The following MRPL3 variants were observed in gnomAD, a reference collection of about 807,000 sequenced individuals.
The protein encoded by MRPL3 is mitochondrial ribosomal protein L3, also known as large ribosomal subunit protein uL3m.
Under a neutral mutation model 44.3 loss-of-function variants are expected in MRPL3, and 43 were observed. The ratio of observed to expected loss-of-function variants is 0.97; its 90% CI spans 0.76 to 1.25. The LOEUF is 1.25. MRPL3 is among the 50% of genes most tolerant of loss of function. The pLI is 0.00. For synonymous variants in MRPL3, 171 were observed against 152.3 expected (o/e 1.12, Z -0.91); for missense variants, 406 against 427.6 (o/e 0.95, Z 0.45).
intron 4 of MRPL3, among the ~76,000 whole-genome samples, chr3:131,491,409 T>C (rs903960415): frequency 1.3e-5 from 2 of 152,206 alleles, no homozygotes; most frequent in Non-Finnish European, 2.9e-5. Flanking sequence ...TCTGCACATT[T>C]CTAACTTCAA....
chr3:131,463,641 A>C (rs894431607), intron 9 of MRPL3, among the ~76,000 whole-genome samples: 1 of 152,190 alleles, frequency 6.6e-6, no homozygotes, highest in Non-Finnish European at 1.5e-5. Flanking sequence ...AATAATATTT[A>C]GCAAAAACAA....
In MRPL3 at chr3:131,464,134, C is replaced by T. The variant is rs144353536; in HGVS notation, c.895-1259G>A. On this transcript the variant is annotated intron_variant, in intron 9 of 9. Coordinates refer to ENST00000264995, the MANE Select transcript of MRPL3 (RefSeq NM_007208.4). ...AAAGTCATATTCTTACCAATTTAAACTTGCTCAGTATTTAGGATTGAAAAT... is the reference window on the plus strand; with the variant it reads ...AAAGTCATATTCTTACCAATTTAAATTTGCTCAGTATTTAGGATTGAAAAT... 1.1e-3 allele frequency among the ~76,000 whole-genome samples: 164 copies of T among 152,148 alleles called. 1 individual carries two copies. The highest frequency in any genetic ancestry group is 7.9e-4 in the Admixed American group (12 of 15,268).
intron 4 of MRPL3, among the ~76,000 whole-genome samples, chr3:131,492,957 G>A (rs1261111347): frequency 1.3e-5 from 2 of 152,154 alleles, no homozygotes; most frequent in Admixed American, 6.5e-5. Context: ...ACTCGATATA[G>A]ATTGCTATAG....
chr3:131,488,045 A>C (rs545677212), intron 5 of MRPL3, among the ~76,000 whole-genome samples: 1 of 152,338 alleles, frequency 6.6e-6, no homozygotes, highest in South Asian at 2.1e-4. Context: ...ATACTAAATT[A>C]AGATATGTTT....
chr3:131,501,835 T>C (rs756516128), intron 1 of MRPL3, 120 bp from the exon 2 acceptor site: 1 of 1,578,818 alleles, frequency 6.3e-7, no homozygotes, highest in East Asian at 2.3e-5. Flanking sequence ...GGGCTTGGAT[T>C]CTGTATACCT....
At chr3:131,500,947 T>C (rs1170661837) in intron 2 of MRPL3, among the ~76,000 whole-genome samples, 22 of 152,228 alleles carry the variant, frequency 1.4e-4, no homozygotes. Flanking sequence ...TGCTAAAATA[T>C]GTCAGTCTAC....
At chr3:131,472,191 A>G (rs931405076) in intron 6 of MRPL3, among the ~76,000 whole-genome samples, 1 of 152,210 alleles carries the variant, frequency 6.6e-6, no homozygotes, top group African/African-American at 2.4e-5. Context: ...AAATAGAAAA[A>G]AATAATGCTC....
chr3:131,487,721 A>G lies in MRPL3; in HGVS notation c.588T>C (p.Ala196=). 2 of 1,611,398 alleles carry G rather than the reference A, an allele frequency of 1.2e-6. No homozygotes were observed. Among genetic ancestry groups the G allele is most frequent in the South Asian group, 2.2e-5 (2 of 90,224 alleles). The part of the protein sequence containing the change: ...AIKPGTPLYA[A]HFRPGQYVDV... ...CCACATACTGTCCTGGACGAAAGTG[A>G]GCAGCATAAAGAGGAGTGCCTTTAT... Residue 196 remains alanine, a synonymous_variant, in exon 6 of 10, where the codon GCT becomes GCC. Coordinates refer to ENST00000264995, the MANE Select transcript of MRPL3 (RefSeq NM_007208.4).
At position 131,469,772 on chromosome 3, in the gene MRPL3, T is replaced by G. The variant is rs1251933493; in HGVS notation, c.740A>C (p.Asp247Ala). The G allele has an allele frequency of 6.2e-7, 1 of 1,609,596 alleles. No individual in the cohort carries two copies. The highest frequency in any genetic ancestry group is 8.5e-7 in the Non-Finnish European group (1 of 1,176,972). Residue 247 changes from aspartate to alanine, a missense_variant and splice_region_variant, in exon 8 of 10, where the codon GAT becomes GCT. Transcript: ENST00000264995. ...AGTTCCAGGCCAGACTCTGCCAATA[T>G]CCTAAATGAGAAAACTAAAGTTAAC... The part of the protein sequence containing the change: ...HRRPGAVATG[D>A]IGRVWPGTKM...
intron 9 of MRPL3, among the ~76,000 whole-genome samples, chr3:131,466,549 A>C (rs978867970): frequency 3.3e-5 from 5 of 152,064 alleles, no homozygotes; most frequent in African/African-American, 1.2e-4. Flanking sequence ...TAAAAGATAT[A>C]ATCAGAGCAT....
chr3:131,472,006 C>G (rs1031140990), intron 6 of MRPL3, among the ~76,000 whole-genome samples: 1 of 152,096 alleles, frequency 6.6e-6, no homozygotes, highest in African/African-American at 2.4e-5. Flanking sequence ...ATGACTACAG[C>G]CCTGGCTGAT....
intron 6 of MRPL3, among the ~76,000 whole-genome samples, chr3:131,472,542 T>C (rs1192767744): frequency 2.0e-5 from 3 of 152,190 alleles, no homozygotes; most frequent in Non-Finnish European, 4.4e-5. Context: ...AAGACAAGTA[T>C]GCCCAATTTC....
intron 6 of MRPL3, among the ~76,000 whole-genome samples, chr3:131,481,251 T>C (rs1308756152): frequency 6.6e-6 from 1 of 152,232 alleles, no homozygotes; most frequent in African/African-American, 2.4e-5. Context: ...AACACCAGAA[T>C]TGAATTCCTA....
Position 131,497,286 on chromosome 3 carries a change from GAA to G in MRPL3, c.468+891_468+892del, listed in dbSNP as rs565529911. The stretch of plus-strand genomic sequence containing the variant: ...GTTAACTGCGTTAGCCTCAGAGGCT[GAA>G]AAGTTTATATAAAGTAACAAATGAA... On this transcript the variant is annotated intron_variant, in intron 4 of 9. Transcript: ENST00000264995. Among the ~76,000 whole-genome samples, 11 of 152,300 alleles carry G rather than the reference GAA, an allele frequency of 7.2e-5. No homozygotes were observed. The East Asian group carries it at 2.1e-3, about 29-fold the overall frequency.
Position 131,500,521 on chromosome 3 carries a change from C to T in MRPL3, c.278G>A (p.Gly93Asp). Residue 93 changes from glycine to aspartate, a missense_variant and splice_region_variant, in exon 3 of 10, where the codon GGT (glycine) becomes GAT (aspartate). Transcript: ENST00000264995. The stretch of plus-strand genomic sequence containing the variant: ...GGCAATAAGACCAACTCTAAAGGAA[C>T]CTGGCAATTAAAACCAAAGCAATGT... ...EPWPIHPWEP[G>D]SFRVGLIALK... 6.2e-7 allele frequency: 1 copy of T among 1,613,024 alleles called. No individual in the cohort carries two copies. The highest frequency in any genetic ancestry group is 8.5e-7 in the Non-Finnish European group (1 of 1,179,340).
intron 4 of MRPL3, among the ~76,000 whole-genome samples, chr3:131,496,480 G>C (rs960254453): frequency 6.6e-6 from 1 of 152,224 alleles, no homozygotes; most frequent in African/African-American, 2.4e-5. Context: ...ACAGATTTCA[G>C]TGATTTCCAC....
intron 4 of MRPL3, among the ~76,000 whole-genome samples, chr3:131,496,491 C>T (rs1179928860): frequency 3.3e-5 from 5 of 152,272 alleles, no homozygotes; most frequent in East Asian, 1.9e-4. Flanking sequence ...TGATTTCCAC[C>T]ACCACTTATT....
At position 131,477,489 on chromosome 3, in the gene MRPL3, C is replaced by A. The variant is rs147315865; in HGVS notation, c.630-6210G>T. Among the ~76,000 whole-genome samples, 123 of 152,338 alleles carry A rather than the reference C, an allele frequency of 8.1e-4. 1 individual carries two copies. In the East Asian group the frequency reaches 0.022, roughly 27 times the overall value. ...TAATCCCCAAATCCCAAATCCAAGTCTTTTACTAAAACAGTTTTTTATTAT... is the reference window on the plus strand; with the variant it reads ...TAATCCCCAAATCCCAAATCCAAGTATTTTACTAAAACAGTTTTTTATTAT... On this transcript the variant is annotated intron_variant, in intron 6 of 9. Transcript: ENST00000264995.
rs758674759 is a variant in MRPL3, at chr3:131,462,879, A to G, written c.895-4T>C. 9 of 1,602,984 alleles carry G rather than the reference A, an allele frequency of 5.6e-6. No individual in the cohort carries two copies. The highest frequency in any genetic ancestry group is 6.8e-6 in the Non-Finnish European group (8 of 1,173,436). On this transcript the variant is annotated splice_polypyrimidine_tract_variant and splice_region_variant and intron_variant, in intron 9 of 9. Coordinates refer to ENST00000264995, the MANE Select transcript of MRPL3 (RefSeq NM_007208.4). Reference sequence around the variant, plus strand: ...CAGGCAGTTTAGAATCTTTGACCTGAGAGAAGGCAAAAATCTTAGTGAAAC... The same window carrying G: ...CAGGCAGTTTAGAATCTTTGACCTGGGAGAAGGCAAAAATCTTAGTGAAAC...
Sources: allele counts gnomAD v4.1 joint callset (sites outside exome capture counted in the v4.1 genomes callset), GRCh38; gene constraint gnomAD v4.1.1; transcripts MANE v1.5; gene names NCBI Gene and HGNC (gene_info 2026-07-23, HGNC 2026-07-21).